SLCO5A1: variants seen among roughly 807,000 people sequenced by gnomAD.
SLCO5A1 encodes the protein solute carrier organic anion transporter family member 5A1.
A neutral mutation model predicts 65.1 loss-of-function variants in SLCO5A1; 39 were observed. The ratio of observed to expected loss-of-function variants is 0.60; its 90% CI spans 0.46 to 0.78. The LOEUF is 0.78. Among genes scored for constraint, SLCO5A1 ranks in the 30% least tolerant of loss-of-function variants. The pLI, the probability that SLCO5A1 is intolerant of heterozygous loss-of-function variation, is 0.00. For missense variants in SLCO5A1, 1,029 were observed against 1,069.4 expected, an observed-to-expected ratio of 0.96 and a Z score of 0.53; for synonymous variants, 438 against 415.7, an observed-to-expected ratio of 1.05 and a Z score of -0.65.
chr8:69,756,898 T>G (rs950986418), intron 3 of SLCO5A1, among the ~76,000 whole-genome samples: 1 of 152,232 alleles, frequency 6.6e-6, no homozygotes, highest in Non-Finnish European at 1.5e-5. Flanking sequence ...GTAGCCACGT[T>G]CTAACTATGA....
chr8:69,761,775 A>G lies in SLCO5A1; in HGVS notation c.1008T>C (p.Leu336=), dbSNP rs142881553. 20 of 1,613,868 alleles carry G rather than the reference A, an allele frequency of 1.2e-5. No homozygotes were observed. The highest frequency in any genetic ancestry group is 1.5e-5 in the Non-Finnish European group (18 of 1,179,978). ...CAATGAAACGAGGGTCATTCTGGTC[A>G]AGGTGAACAGGATTTCTGGGATCAA... ...FYVDPRNPVH[L]DQNDPRFIGN... Residue 336 remains leucine, a synonymous_variant, in exon 3 of 10, where the codon CTT becomes CTC. Coordinates refer to ENST00000260126, the MANE Select transcript of SLCO5A1 (RefSeq NM_030958.3).
chr8:69,774,562 G>A (rs58610834), intron 2 of SLCO5A1, among the ~76,000 whole-genome samples: 3,736 of 152,104 alleles, frequency 0.025, 141 homozygotes, highest in African/African-American at 0.084. Context: ...TATTCCCTCC[G>A]GTGTGTAACC....
chr8:69,794,728 C>A, intron 2 of SLCO5A1: 1 of 252,878 alleles, frequency 4.0e-6, no homozygotes, highest in Non-Finnish European at 8.1e-6. Flanking sequence ...TATATTAGTT[C>A]ATTCTTGCAC....
At chr8:69,792,939 G>A (rs944448565) in intron 2 of SLCO5A1, among the ~76,000 whole-genome samples, 10 of 151,354 alleles carry the variant, frequency 6.6e-5, no homozygotes, top group African/African-American at 7.3e-5. Context: ...GTTTTTTTTC[G>A]TTTGTTTGTT....
intron 6 of SLCO5A1, among the ~76,000 whole-genome samples, chr8:69,701,675 G>T (rs1814741174): frequency 6.6e-6 from 1 of 152,010 alleles, no homozygotes; most frequent in African/African-American, 2.4e-5. Context: ...CGCCTTTCTG[G>T]ACCAAACCAA....
intron 5 of SLCO5A1, among the ~76,000 whole-genome samples, chr8:69,736,371 A>T (rs1161277566): frequency 1.3e-5 from 2 of 152,212 alleles, no homozygotes; most frequent in African/African-American, 4.8e-5. Flanking sequence ...TAACTAAGAG[A>T]TGGCTTTAGC....
intron 2 of SLCO5A1, among the ~76,000 whole-genome samples, chr8:69,801,039 C>A (rs1819713107): frequency 6.6e-6 from 1 of 152,186 alleles, no homozygotes; most frequent in African/African-American, 2.4e-5. Flanking sequence ...CAATCCCAAA[C>A]TTTGCTGCTC....
At chr8:69,715,147 C>T (rs1246960303) in intron 5 of SLCO5A1, among the ~76,000 whole-genome samples, 1 of 152,150 alleles carries the variant, frequency 6.6e-6, no homozygotes, top group African/African-American at 2.4e-5. Context: ...CCACTTGAAA[C>T]GATGAAATGC....
chr8:69,703,620 T>C (rs1814844842), intron 6 of SLCO5A1, among the ~76,000 whole-genome samples: 2 of 152,156 alleles, frequency 1.3e-5, no homozygotes, highest in African/African-American at 4.8e-5. Flanking sequence ...TGCTATGCAG[T>C]GGTTAAAGGC....
At chr8:69,806,393 A>G (rs1819990293) in intron 2 of SLCO5A1, among the ~76,000 whole-genome samples, 1 of 152,228 alleles carries the variant, frequency 6.6e-6, no homozygotes, top group East Asian at 1.9e-4. Context: ...CTAAGTTCCA[A>G]CAAGGCAGTC....
intron 2 of SLCO5A1, among the ~76,000 whole-genome samples, chr8:69,764,694 G>A (rs1398579850): frequency 1.3e-5 from 2 of 152,080 alleles, no homozygotes; most frequent in African/African-American, 4.8e-5. Context: ...TCTGTTATAG[G>A]TATTCCCATA....
At chr8:69,737,915 G>A (rs1174919097) in intron 5 of SLCO5A1, 125 bp downstream of exon 5, 2 of 965,674 alleles carry the variant, frequency 2.1e-6, no homozygotes, top group Non-Finnish European at 1.5e-6. Context: ...TAAAATCTGG[G>A]GGGAAAGGTA....
intron 5 of SLCO5A1, among the ~76,000 whole-genome samples, chr8:69,736,523 CA>C (rs1401498601): frequency 6.6e-6 from 1 of 152,156 alleles, no homozygotes; most frequent in East Asian, 1.9e-4. Context: ...GGAACTGGGG[CA>C]CACAGTATGG....
chr8:69,822,952 C>T (rs1325080128), intron 2 of SLCO5A1, among the ~76,000 whole-genome samples: 1 of 152,190 alleles, frequency 6.6e-6, no homozygotes, highest in African/African-American at 2.4e-5. Context: ...GGTGGAAGAG[C>T]CAGCACCCAC....
intron 2 of SLCO5A1, among the ~76,000 whole-genome samples, chr8:69,762,676 T>A (rs1158743950): frequency 6.6e-6 from 1 of 152,216 alleles, no homozygotes; most frequent in Non-Finnish European, 1.5e-5. Context: ...TCTAGCACGA[T>A]GAGGGAATTT....
In SLCO5A1 at chr8:69,672,798, A is replaced by G; in HGVS notation, c.*71T>C. The G allele has an allele frequency of 1.4e-6, 2 of 1,479,326 alleles. No homozygotes were observed. Among genetic ancestry groups the G allele is most frequent in the Non-Finnish European group, 1.8e-6 (2 of 1,101,692 alleles). 91.6% of individuals were successfully genotyped at this position (1,479,326 alleles called of 1,614,324 possible). On this transcript the variant is annotated 3_prime_UTR_variant, in exon 10 of 10. Transcript: ENST00000260126. Reference sequence around the variant, plus strand: ...GTTAAAAAAAAGAAAGAAAGAAAAGAAGGCACAGTTGTTTCTCAAGTCGCC... The same window carrying G: ...GTTAAAAAAAAGAAAGAAAGAAAAGGAGGCACAGTTGTTTCTCAAGTCGCC...
intron 4 of SLCO5A1, among the ~76,000 whole-genome samples, chr8:69,748,559 C>A (rs953593242): frequency 3.3e-5 from 5 of 152,048 alleles, no homozygotes; most frequent in African/African-American, 9.7e-5. Flanking sequence ...GCATCCAAAC[C>A]GGGAGAAAGA....
At chr8:69,829,515 A>G (rs1821074450) in intron 2 of SLCO5A1, among the ~76,000 whole-genome samples, 1 of 152,188 alleles carries the variant, frequency 6.6e-6, no homozygotes, top group South Asian at 2.1e-4. Context: ...ATGAAACTCT[A>G]TCTCCACAAA....
At chr8:69,818,501 T>C (rs1563372974) in intron 2 of SLCO5A1, among the ~76,000 whole-genome samples, 4 of 152,180 alleles carry the variant, frequency 2.6e-5, no homozygotes, top group Admixed American at 1.3e-4. Flanking sequence ...TCAGACCACA[T>C]AGATAACAGA....
Sources: allele counts gnomAD v4.1 joint callset (sites outside exome capture counted in the v4.1 genomes callset), GRCh38; gene constraint gnomAD v4.1.1; transcripts MANE v1.5; gene names NCBI Gene and HGNC (gene_info 2026-07-23, HGNC 2026-07-21).